Variants in LOXL1 observed in about 807,000 individuals in gnomAD.
LOXL1 encodes the protein lysyl oxidase homolog 1.
A neutral mutation model predicts 62.2 loss-of-function variants in LOXL1; 31 were observed. The observed-to-expected ratio is 0.50, with a 90% CI of 0.37 to 0.67. The LOEUF (loss-of-function observed/expected upper bound fraction) is 0.67. Ranked by LOEUF, LOXL1 falls within the 30% of genes least tolerant of loss-of-function variation. The probability of loss-of-function intolerance (pLI) is 0.00; values close to 1 mark genes in which losing one functional copy is unlikely to be tolerated. For missense variants in LOXL1, 775 were observed against 843.4 expected (o/e 0.92, Z 1.00); for synonymous variants, 403 against 384.4 (o/e 1.05, Z -0.56).
intron 6 of LOXL1, among the ~76,000 whole-genome samples, chr15:73,951,618 T>C (rs541774457): frequency 3.9e-5 from 6 of 152,006 alleles, no homozygotes; most frequent in Non-Finnish European, 7.4e-5. Context: ...GGGAGGGGAA[T>C]GTGCTGAGAC....
rs761754215 is a variant in LOXL1, at chr15:73,946,451, G to A, written c.1246G>A (p.Val416Met). 24 of 1,610,022 alleles carry A rather than the reference G, an allele frequency of 1.5e-5. No homozygotes were observed. The East Asian group carries it at 4.9e-4, about 33-fold the overall frequency. The change falls in exon 3 of 7, where the codon GTG becomes ATG. Residue 416 changes from valine to methionine, a missense_variant. By Grantham distance (21) the Val-to-Met change is conservative. Coordinates refer to ENST00000261921, the MANE Select transcript of LOXL1 (RefSeq NM_005576.4). ...TGCCCCTGAGGCCACCGACTACGAT[G>A]TGCGGGTGCTACTGCGCTTCCCCCA... ...AYAPEATDYD[V>M]RVLLRFPQRV...
Position 73,927,707 on chromosome 15 carries a change from C to A in LOXL1, c.924C>A (p.Gly308=). The change falls in exon 1 of 7, where the codon GGC becomes GGA. Residue 308 remains glycine (G), a synonymous_variant. Transcript: ENST00000261921. ...CCCATGGCGGAGACCCACGCCTGGGCTGGTACCCGCCCTACGCCAACCCGC... is the reference window on the plus strand; with the variant it reads ...CCCATGGCGGAGACCCACGCCTGGGATGGTACCCGCCCTACGCCAACCCGC... ...AQAHGGDPRL[G]WYPPYANPPP... 1 of 1,478,044 alleles carries A rather than the reference C, an allele frequency of 6.8e-7. No homozygotes were observed. 91.6% of individuals were successfully genotyped at this position (1,478,044 alleles called of 1,614,324 possible). A position where few individuals can be genotyped will look rare whatever the true frequency, so the allele number is the denominator to read the frequency against.
rs191352680 is a variant in LOXL1 at position 73,943,681 on chromosome 15, G to A, written c.1211+719G>A. On this transcript the variant is annotated intron_variant, in intron 2 of 6. Transcript: ENST00000261921. ...TTCTGCTGGAACATAGGTGCTTTGC[G>A]GATACCTCCCTGGGCCAAAATAATT... 9.2e-5 allele frequency among the ~76,000 whole-genome samples: 14 copies of A among 152,256 alleles called. No individual in the cohort carries two copies. In the East Asian group the frequency reaches 2.5e-3, roughly 27 times the overall value.
At position 73,947,220 on chromosome 15, in the gene LOXL1, C is replaced by G; in HGVS notation, c.1503C>G (p.Thr501=). Residue 501 remains threonine, a synonymous_variant, in exon 4 of 7, where the codon ACC becomes ACG. Coordinates refer to ENST00000261921, the MANE Select transcript of LOXL1 (RefSeq NM_005576.4). ...AGCGCTATGCATGCACCTCTCATACCCAGGTTGGGCTGGAGAGATGGGGTT... is the reference window on the plus strand; with the variant it reads ...AGCGCTATGCATGCACCTCTCATACGCAGGTTGGGCTGGAGAGATGGGGTT... ...NLKRYACTSH[T]QGLSPGCYDT... 6.3e-7 allele frequency: 1 copy of G among 1,597,416 alleles called. No homozygotes were observed. Among genetic ancestry groups the G allele is most frequent in the Non-Finnish European group, 8.6e-7 (1 of 1,166,980 alleles).
rs551397913 is a variant in LOXL1 at position 73,928,324 on chromosome 15, T to C, written c.1102+439T>C. ...GGTGAGGCAAGGAGCATCAGAAACC[T>C]GAGTCTTCAGGGCCAGAAAGGCCTT... On this transcript the variant is annotated intron_variant, in intron 1 of 6. Coordinates refer to ENST00000261921, the MANE Select transcript of LOXL1 (RefSeq NM_005576.4). 9.0e-4 allele frequency: 142 copies of C among 157,524 alleles called. 1 individual carries two copies. The highest frequency in any genetic ancestry group is 1.3e-3 in the East Asian group (7 of 5,404). The allele number at this position is 157,524 out of a possible 1,614,324, so 9.8% of individuals were successfully genotyped here. A position where few individuals can be genotyped will look rare whatever the true frequency, so the allele number is the denominator to read the frequency against.
Position 73,926,885 on chromosome 15 carries a change from G to C in LOXL1, c.102G>C (p.Ser34=). The C allele has an allele frequency of 6.4e-7, 1 of 1,561,068 alleles. No individual in the cohort carries two copies. The highest frequency in any genetic ancestry group is 8.7e-7 in the Non-Finnish European group (1 of 1,153,416). ...HGQQAQPGQG[S]DPARWRQLIQ... is the part of the protein sequence containing the mutation. ...AGCAGGCGCAGCCCGGGCAGGGCTC[G>C]GACCCCGCCCGCTGGCGGCAGCTGA... is the stretch of plus-strand genomic sequence containing the variant. The change falls in exon 1 of 7, where the codon TCG becomes TCC. Residue 34 remains serine, a synonymous_variant. Transcript: ENST00000261921.
intron 1 of LOXL1, among the ~76,000 whole-genome samples, chr15:73,938,262 AG>A (rs941892179): frequency 1.7e-5 from 2 of 118,934 alleles, no homozygotes; most frequent in Non-Finnish European, 3.7e-5. Context: ...CCTGGGCAAC[AG>A]AGCTAGACTC....
Position 73,947,823 on chromosome 15 carries a change from G to T in LOXL1, c.1523G>T (p.Cys508Phe). 1 of 1,612,912 alleles carries T rather than the reference G, an allele frequency of 6.2e-7. No individual in the cohort carries two copies. Among genetic ancestry groups the T allele is most frequent in the Non-Finnish European group, 8.5e-7 (1 of 1,179,226 alleles). ...CTTTCCCAGGGCCTGAGCCCAGGCT[G>T]CTATGACACCTACAATGCGGACATC... Reference protein sequence around the residue: ...TSHTQGLSPGCYDTYNADIDC... With the variant: ...TSHTQGLSPGFYDTYNADIDC... Residue 508 changes from cysteine (C) to phenylalanine (F), a missense_variant, in exon 5 of 7, where the codon TGC becomes TTC. Cys to Phe is a radical substitution (Grantham distance 205). Transcript: ENST00000261921.
chr15:73,947,167 G>A lies in LOXL1; in HGVS notation c.1450G>A (p.Asp484Asn). 1 of 1,613,664 alleles carries A rather than the reference G, an allele frequency of 6.2e-7. No homozygotes were observed. The highest frequency in any genetic ancestry group is 8.5e-7 in the Non-Finnish European group (1 of 1,179,600). ...CCACAAGGCCAGTTTCTGCCTGGAG[G>A]ACAGCACCTGTGACTTCGGCAACCT... Reference protein sequence around the residue: ...EGHKASFCLEDSTCDFGNLKR... With the variant: ...EGHKASFCLENSTCDFGNLKR... The change falls in exon 4 of 7, where the codon GAC becomes AAC. Residue 484 changes from aspartate to asparagine, a missense_variant. Coordinates refer to ENST00000261921, the MANE Select transcript of LOXL1 (RefSeq NM_005576.4).
intron 1 of LOXL1, among the ~76,000 whole-genome samples, chr15:73,938,920 A>G (rs558561038): frequency 6.6e-6 from 1 of 152,258 alleles, no homozygotes; most frequent in African/African-American, 2.4e-5. Context: ...GGGGAGCTGG[A>G]TATGTACCTT....
At chr15:73,939,440 G>A (rs941543537) in intron 1 of LOXL1, among the ~76,000 whole-genome samples, 2 of 152,218 alleles carry the variant, frequency 1.3e-5, no homozygotes, top group African/African-American at 4.8e-5. Flanking sequence ...GTGTGACAGA[G>A]GTGGAGCTCA....
chr15:73,941,933 C>T (rs185252047), intron 1 of LOXL1: 17 of 259,604 alleles, frequency 6.5e-5, no homozygotes, highest in Admixed American at 1.9e-4. Flanking sequence ...AGGAACAGGA[C>T]GGACAGGCCC....
chr15:73,943,071 G>T (rs1313082464), intron 2 of LOXL1, 109 bp downstream of exon 2: 2 of 839,144 alleles, frequency 2.4e-6, no homozygotes. Flanking sequence ...TGATGACCCT[G>T]GCCAAGTGCC....
chr15:73,946,392 C>A (rs746649747), intron 2 of LOXL1, 25 bp from the exon 3 acceptor site: 22 of 1,531,612 alleles, frequency 1.4e-5, no homozygotes, highest in Non-Finnish European at 2.0e-5. Context: ...CCAACCCCCC[C>A]TCATCTCCCC....
chr15:73,926,489 C>G lies in LOXL1; in HGVS notation c.-295C>G. 2 of 332,552 alleles carry G rather than the reference C, an allele frequency of 6.0e-6. No homozygotes were observed. Among genetic ancestry groups the G allele is most frequent in the South Asian group, 1.5e-4 (1 of 6,682 alleles). The allele number at this position is 332,552 out of a possible 1,614,324, so 20.6% of individuals were successfully genotyped here. A position where few individuals can be genotyped will look rare whatever the true frequency, so the allele number is the denominator to read the frequency against. On this transcript the variant is annotated 5_prime_UTR_variant, in exon 1 of 7. Coordinates refer to ENST00000261921, the MANE Select transcript of LOXL1 (RefSeq NM_005576.4). The stretch of plus-strand genomic sequence containing the variant: ...TCAGAGTGGGAAAGCGCCAGCCGAG[C>G]GGCCAGCCAGTGCGGGGCTGGCCAT...
intron 1 of LOXL1, among the ~76,000 whole-genome samples, chr15:73,938,275 G>GTATCTATCATCTATCTATC (rs1555433293): frequency 4.3e-4 from 61 of 140,722 alleles, no homozygotes; most frequent in African/African-American, 1.6e-3. Flanking sequence ...GCTAGACTCC[G>GTATCTATCATCTATCTATC]TATCTATCTA....
Position 73,951,831 on chromosome 15 carries a change from A to G in LOXL1, c.1719A>G (p.Gln573=). 1 of 1,548,636 alleles carries G rather than the reference A, an allele frequency of 6.5e-7. No homozygotes were observed. The highest frequency in any genetic ancestry group is 8.7e-7 in the Non-Finnish European group (1 of 1,143,560). The change falls in exon 7 of 7, where the codon CAA becomes CAG. Residue 573 remains glutamine, a splice_region_variant and synonymous_variant. Transcript: ENST00000261921. ...YVSATNCKIV[Q]S ...TGACCCACTGTCTTTCCTTCCTCAG[A>G]TCCTGATCTCCGGGAGGGACAGATG...
chr15:73,946,093 G>T (rs184999847), intron 2 of LOXL1, among the ~76,000 whole-genome samples: 1 of 152,116 alleles, frequency 6.6e-6, no homozygotes, highest in South Asian at 2.1e-4. Context: ...TGCACCTAGG[G>T]GCTGACCCCA....
In LOXL1 at chr15:73,926,717, A is replaced by C. The variant is rs1163864006; in HGVS notation, c.-67A>C. 1 of 1,355,250 alleles carries C rather than the reference A, an allele frequency of 7.4e-7. No individual in the cohort carries two copies. The allele number at this position is 1,355,250 out of a possible 1,614,324, so 84.0% of individuals were successfully genotyped here. ...TTCCTGTCCTCGAGGCCGTGGGAAG[A>C]GAAGCACGCCCAGGGGGCCACTCCT... On this transcript the variant is annotated 5_prime_UTR_variant, in exon 1 of 7. Transcript: ENST00000261921.
Sources: gnomAD v4.1 joint callset for allele counts (sites outside exome capture counted in the v4.1 genomes callset) on GRCh38, gnomAD v4.1.1 for gene constraint, MANE v1.5 for transcripts, NCBI Gene and HGNC (gene_info 2026-07-23, HGNC 2026-07-21) for gene names.